The following MCC variants were observed in gnomAD, a reference collection of about 807,000 sequenced individuals.
The protein encoded by MCC is colorectal mutant cancer protein.
Under a neutral mutation model 116.2 loss-of-function variants are expected in MCC, and 90 were observed. The ratio of observed to expected loss-of-function variants is 0.77; its 90% confidence interval spans 0.65 to 0.92. MCC has a LOEUF of 0.92. MCC is among the 40% of genes least tolerant of loss of function. The pLI is 0.00. For missense variants in MCC, 1,516 were observed against 1,312.2 expected (o/e 1.16, Z -2.40); for synonymous variants, 578 against 510.5 (o/e 1.13, Z -1.78).
chr5:113,274,757 T>C (rs549012429), intron 3 of MCC, among the ~76,000 whole-genome samples: 1 of 152,348 alleles, frequency 6.6e-6, no homozygotes, highest in East Asian at 1.9e-4. Flanking sequence ...TACAATCCTT[T>C]GGTGGGTCTA....
At chr5:113,367,326 T>A (rs1331242099) in intron 2 of MCC, among the ~76,000 whole-genome samples, 1 of 149,196 alleles carries the variant, frequency 6.7e-6, no homozygotes, top group Non-Finnish European at 1.5e-5. Context: ...CTAAGCATCA[T>A]GAGTTCAGCC....
intron 2 of MCC, among the ~76,000 whole-genome samples, chr5:113,366,762 AG>A (rs58044779): frequency 0.19 from 28,406 of 152,144 alleles, 3,167 homozygotes; most frequent in Admixed American, 0.31. Context: ...TTAAAGGAGA[AG>A]GTTAAAAATA....
chr5:113,479,772 T>A lies in MCC; in HGVS notation c.170+8473A>T, dbSNP rs546431846. On this transcript the variant is annotated intron_variant, in intron 1 of 18. Transcript: ENST00000408903. ...TTTCTTCTTTATTCTCCCACTTAGG[T>A]TCAGATTATATATTTCTTAGTGACA... is the stretch of plus-strand genomic sequence containing the variant. Among the ~76,000 whole-genome samples, 8 of 152,270 alleles carry A rather than the reference T, an allele frequency of 5.3e-5. No homozygotes were observed. In the East Asian group the frequency reaches 1.2e-3, roughly 22 times the overall value.
chr5:113,347,511 A>G (rs1276043588), intron 2 of MCC, among the ~76,000 whole-genome samples: 1 of 152,182 alleles, frequency 6.6e-6, no homozygotes, highest in African/African-American at 2.4e-5. Context: ...AAACAAAACA[A>G]AAGTAATGGG....
rs549044445 is a variant in MCC at position 113,052,276 on chromosome 5, G to A, written c.2448+1449C>T. Among the ~76,000 whole-genome samples, 43 of 152,262 alleles carry A rather than the reference G, an allele frequency of 2.8e-4. No individual in the cohort carries two copies. The South Asian group carries it at 5.6e-3, about 20-fold the overall frequency. The stretch of plus-strand genomic sequence containing the variant: ...TGATGGAAGGGTGGCCTCATAGCTC[G>A]TGCCACAGGCTGCAAGCATCTGCAA... On this transcript the variant is annotated intron_variant, in intron 15 of 18. Coordinates refer to ENST00000408903, the MANE Select transcript of MCC (RefSeq NM_001085377.2).
intron 8 of MCC, 127 bp downstream of exon 8, chr5:113,101,611 GA>G: frequency 1.1e-6 from 1 of 893,016 alleles, no homozygotes; most frequent in Non-Finnish European, 1.8e-6. Flanking sequence ...TTCATAACAG[GA>G]AAGAGACAGT....
chr5:113,088,111 A>T (rs1755332771), intron 8 of MCC, among the ~76,000 whole-genome samples: 1 of 152,228 alleles, frequency 6.6e-6, no homozygotes. Flanking sequence ...TAAAGATGAT[A>T]AACATGTTTA....
chr5:113,395,536 T>C (rs771391822), intron 1 of MCC, among the ~76,000 whole-genome samples: 1 of 152,206 alleles, frequency 6.6e-6, no homozygotes, highest in Non-Finnish European at 1.5e-5. Flanking sequence ...CAGGCGTATA[T>C]GTAATTGACT....
At chr5:113,460,350 C>A (rs1226964935) in intron 1 of MCC, among the ~76,000 whole-genome samples, 1 of 152,162 alleles carries the variant, frequency 6.6e-6, no homozygotes, top group Non-Finnish European at 1.5e-5. Flanking sequence ...TCCAGCAGCT[C>A]TCTGTTTGGA....
chr5:113,210,852 G>A (rs112262401), intron 3 of MCC, among the ~76,000 whole-genome samples: 3,574 of 152,152 alleles, frequency 0.023, 46 homozygotes, highest in Middle Eastern at 0.041. Flanking sequence ...CCCTACTTAC[G>A]TACTCCAAAG....
rs188718054 is a variant in MCC, at chr5:113,031,089, T to G, written c.2757-2033A>C. Among the ~76,000 whole-genome samples, 211 of 152,276 alleles carry G rather than the reference T, an allele frequency of 1.4e-3. 1 individual carries two copies. The highest frequency in any genetic ancestry group is 4.6e-3 in the African/African-American group (189 of 41,536). ...TTTACATTTCTGCCTTTAGCTACTATGAGGGTAAGTCAAGCTCTCCAAACT... is the reference window on the plus strand; with the variant it reads ...TTTACATTTCTGCCTTTAGCTACTAGGAGGGTAAGTCAAGCTCTCCAAACT... On this transcript the variant is annotated intron_variant, in intron 17 of 18. Transcript: ENST00000408903.
At chr5:113,052,329 G>A (rs906887125) in intron 15 of MCC, among the ~76,000 whole-genome samples, 5 of 152,142 alleles carry the variant, frequency 3.3e-5, no homozygotes, top group South Asian at 2.1e-4. Context: ...GGGAAAAGTC[G>A]CTACAATGAT....
intron 3 of MCC, among the ~76,000 whole-genome samples, chr5:113,321,307 G>T (rs549759845): frequency 6.6e-6 from 1 of 152,204 alleles, no homozygotes; most frequent in South Asian, 2.1e-4. Flanking sequence ...ATAAGGAAAA[G>T]CATTATTCTC....
rs1215957603 is a variant in MCC at position 113,279,622 on chromosome 5, C to T, written c.627+60897G>A. ...GAACACAATTATAGATAAAATTATC[C>T]CCCAAGCCCCATCTTCTAATACTAT... is the stretch of plus-strand genomic sequence containing the variant. On this transcript the variant is annotated intron_variant, in intron 3 of 18. Coordinates refer to ENST00000408903, the MANE Select transcript of MCC (RefSeq NM_001085377.2). Among the ~76,000 whole-genome samples, 3 of 152,068 alleles carry T rather than the reference C, an allele frequency of 2.0e-5. No individual in the cohort carries two copies. The East Asian group carries it at 5.8e-4, about 29-fold the overall frequency.
chr5:113,345,928 C>A (rs530552610), intron 2 of MCC, among the ~76,000 whole-genome samples: 4 of 152,284 alleles, frequency 2.6e-5, no homozygotes, highest in Admixed American at 2.6e-4. Context: ...AGATATATGA[C>A]CTTCCAGACA....
chr5:113,099,811 C>T (rs184607775), intron 8 of MCC, among the ~76,000 whole-genome samples: 182 of 152,346 alleles, frequency 1.2e-3, no homozygotes, highest in African/African-American at 4.1e-3. Context: ...CCATGAAGGG[C>T]TGGCAAGTGA....
intron 3 of MCC, among the ~76,000 whole-genome samples, chr5:113,320,388 C>T (rs1767389475): frequency 6.9e-6 from 1 of 145,234 alleles, no homozygotes; most frequent in African/African-American, 2.6e-5. Context: ...TGTCAGGAAA[C>T]AGATTTTCAA....
chr5:113,135,879 A>G (rs1758789491), intron 5 of MCC, among the ~76,000 whole-genome samples: 2 of 152,020 alleles, frequency 1.3e-5, no homozygotes. Context: ...CCCCATCTCT[A>G]CTAAAAACAC....
intron 2 of MCC, among the ~76,000 whole-genome samples, chr5:113,360,142 A>G (rs557362421): frequency 6.7e-4 from 102 of 152,148 alleles, no homozygotes; most frequent in Non-Finnish European, 1.1e-3. Context: ...TTGGCTGAAA[A>G]TCAGCCTAAT....
Sources: gnomAD v4.1 joint callset for allele counts (sites outside exome capture counted in the v4.1 genomes callset) on GRCh38, gnomAD v4.1.1 for gene constraint, MANE v1.5 for transcripts, NCBI Gene and HGNC (gene_info 2026-07-23, HGNC 2026-07-21) for gene names.